Variants in MPRIP observed in about 807,000 individuals in gnomAD.
MPRIP encodes myosin phosphatase Rho-interacting protein.
In MPRIP, 59 loss-of-function variants were observed where a neutral mutation model predicts 234.9. That is an observed-to-expected ratio of 0.25 (90% CI 0.20 to 0.31). MPRIP has a LOEUF of 0.31. Ranked by LOEUF, MPRIP falls within the 10% of genes least tolerant of loss-of-function variation. The pLI, the probability that MPRIP is intolerant of heterozygous loss-of-function variation, is 1.00. For synonymous variants in MPRIP, 1,144 were observed against 1,263.9 expected (o/e 0.91, Z 2.01); for missense variants, 2,436 against 3,071.0 (o/e 0.79, Z 4.89).
At chr17:17,129,950 C>G (rs118103966) in intron 4 of MPRIP, among the ~76,000 whole-genome samples, 46 of 152,356 alleles carry the variant, frequency 3.0e-4, no homozygotes, top group Admixed American at 1.6e-3. Flanking sequence ...GCGAGGCCCT[C>G]TCCTGGGACC....
At chr17:17,059,908 TTTCC>T (rs1285446509) in intron 1 of MPRIP, among the ~76,000 whole-genome samples, 2 of 152,112 alleles carry the variant, frequency 1.3e-5, no homozygotes, top group Admixed American at 1.3e-4. Flanking sequence ...CAGAATCCCT[TTTCC>T]TTCCCCAAGT....
intron 1 of MPRIP, among the ~76,000 whole-genome samples, chr17:17,050,109 C>T (rs1385909112): frequency 1.3e-5 from 2 of 152,084 alleles, no homozygotes; most frequent in Non-Finnish European, 2.9e-5. Context: ...GGGTGGATCA[C>T]GAGGTCAGGA....
intron 21 of MPRIP, 112 bp downstream of exon 21, chr17:17,176,624 C>A: frequency 1.2e-6 from 1 of 827,298 alleles, no homozygotes; most frequent in Non-Finnish European, 2.0e-6. Flanking sequence ...AGATTTTACT[C>A]TTGTGAGGAA....
intron 11 of MPRIP, among the ~76,000 whole-genome samples, chr17:17,147,674 TTTGGGC>T (rs2045508484): frequency 6.6e-6 from 1 of 152,146 alleles, no homozygotes; most frequent in South Asian, 2.1e-4. Context: ...GTGCAGTGGG[TTTGGGC>T]AGCTTTTCTT....
At chr17:17,140,391 C>A (rs756934307) in intron 7 of MPRIP, among the ~76,000 whole-genome samples, 1 of 152,112 alleles carries the variant, frequency 6.6e-6, no homozygotes, top group Non-Finnish European at 1.5e-5. Context: ...CTGGCCCCAC[C>A]CCCCACCAGT....
At chr17:17,111,150 AAAAAAACCAAAAAAAAAAG>A (rs1325027721) in intron 3 of MPRIP, among the ~76,000 whole-genome samples, 31 of 144,928 alleles carry the variant, frequency 2.1e-4, no homozygotes, top group African/African-American at 7.6e-4. Context: ...AAGTTTAAAA[AAAAAAACCAAAAAAAAAAG>A]AAAAAACCTC....
chr17:17,156,612 A>G (rs1328853320), intron 13 of MPRIP, among the ~76,000 whole-genome samples: 1 of 152,184 alleles, frequency 6.6e-6, no homozygotes, highest in Non-Finnish European at 1.5e-5. Context: ...CGCCTTTGGC[A>G]CTAGAGGAGC....
chr17:17,168,509 C>G, intron 16 of MPRIP: 1 of 312,518 alleles, frequency 3.2e-6, no homozygotes, highest in South Asian at 2.7e-5. Flanking sequence ...GTCCCCTTCC[C>G]CAGGACCTTT....
intron 15 of MPRIP, 36 bp downstream of exon 15, chr17:17,161,392 T>C (rs1555589417): frequency 1.4e-6 from 2 of 1,426,562 alleles, no homozygotes; most frequent in South Asian, 1.2e-5. Context: ...CATGGTGCGC[T>C]CAGGAGCTTC....
Position 17,166,012 on chromosome 17 carries a change from A to G in MPRIP, c.4421A>G (p.Gln1474Arg), listed in dbSNP as rs1163575045. Residue 1474 changes from glutamine to arginine, a missense_variant, in exon 16 of 24, where the codon CAG becomes CGG. Coordinates refer to ENST00000651222, the MANE Select transcript of MPRIP (RefSeq NM_001364716.4). This position sits in a 1 kb window ranked among gnomAD's most constrained non-coding sequence, Gnocchi z 4.4. The stretch of plus-strand genomic sequence containing the variant: ...GGGGACTTCCAGGTCAAGAATAGTC[A>G]GGCCCTGATGTGCCTGGAAAATTGC... Reference protein sequence around the residue: ...ELGDFQVKNSQALMCLENCRE... With the variant: ...ELGDFQVKNSRALMCLENCRE... 1 of 1,304,286 alleles carries G rather than the reference A, an allele frequency of 7.7e-7. No homozygotes were observed. The allele number at this position is 1,304,286 out of a possible 1,614,324, so 80.8% of individuals were successfully genotyped here.
chr17:17,057,635 G>T, intron 1 of MPRIP: 1 of 718,050 alleles, frequency 1.4e-6, no homozygotes, highest in Non-Finnish European at 2.6e-6. Flanking sequence ...TTCTTTGGCA[G>T]CAAAACACCC....
chr17:17,192,426 T>TGGGGG lies in MPRIP; in HGVS notation c.*7532_*7533insGGGGG, dbSNP rs1157972241. The TGGGGG allele has an allele frequency of 6.8e-4, 2 of 2,962 alleles. No individual in the cohort carries two copies. The highest frequency in any genetic ancestry group is 0.015 in the East Asian group (1 of 68). 0.2% of individuals were successfully genotyped at this position (2,962 alleles called of 1,614,324 possible). A position where few individuals can be genotyped will look rare whatever the true frequency, so the allele number is the denominator to read the frequency against. ...GACCAGCTGAGCTGCTGCTTTTTTTTTGGGGGGGGGGGGGGGAGGGGCGTC... is the reference window on the plus strand; with the variant it reads ...GACCAGCTGAGCTGCTGCTTTTTTTTGGGGGTGGGGGGGGGGGGGGGAGGGGCGTC... On this transcript the variant is annotated 3_prime_UTR_variant, in exon 24 of 24. Coordinates refer to ENST00000651222, the MANE Select transcript of MPRIP (RefSeq NM_001364716.4).
In MPRIP at chr17:17,190,470, T is replaced by C. The variant is rs1351987800; in HGVS notation, c.*5576T>C. On this transcript the variant is annotated 3_prime_UTR_variant, in exon 24 of 24. Coordinates refer to ENST00000651222, the MANE Select transcript of MPRIP (RefSeq NM_001364716.4). ...TTAAGAACCAGCCTGAGCTGAAGGC[T>C]AGTAATACCGTGCTGTAGGCTCTTT... 1 of 152,256 alleles carries C rather than the reference T, an allele frequency of 6.6e-6. No individual in the cohort carries two copies. The highest frequency in any genetic ancestry group is 2.4e-5 in the African/African-American group (1 of 41,458). 9.4% of individuals were successfully genotyped at this position (152,256 alleles called of 1,614,324 possible).
At chr17:17,110,129 T>G (rs8067672) in intron 3 of MPRIP, among the ~76,000 whole-genome samples, 6,776 of 152,010 alleles carry the variant, frequency 0.045, 470 homozygotes, top group African/African-American at 0.14. Context: ...CTGGAGACCT[T>G]GTTGTTAAAA....
Position 17,136,278 on chromosome 17 carries a change from CA to C in MPRIP, c.565del (p.Ser189AlafsTer20), listed in dbSNP as rs772377529. On this transcript the variant is annotated frameshift_variant, in exon 6 of 24. Transcript: ENST00000651222. LOFTEE classifies it high-confidence loss of function. ...SSSSSSSSSSSIPSAEKVPTT... is the reference protein window; with the variant it reads ...SSSSSSSSSSXIPSAEKVPTT... ...GCAGCAGCAGCAGCAGCAGCAGCAG[CA>C]GCATCCCCAGTGCTGAGAAAGTCCC... The C allele has an allele frequency of 1.9e-6, 3 of 1,613,680 alleles. No homozygotes were observed. The highest frequency in any genetic ancestry group is 2.5e-6 in the Non-Finnish European group (3 of 1,179,752).
intron 13 of MPRIP, among the ~76,000 whole-genome samples, chr17:17,157,525 T>C (rs1180434309): frequency 6.6e-6 from 1 of 152,222 alleles, no homozygotes; most frequent in Non-Finnish European, 1.5e-5. Flanking sequence ...TGCCAGCAGC[T>C]GGATTGGGCT....
At chr17:17,176,372 T>C (rs568439596) in intron 20 of MPRIP, 54 bp from the exon 21 acceptor site, 4 of 1,378,240 alleles carry the variant, frequency 2.9e-6, no homozygotes, top group Middle Eastern at 1.8e-4. Flanking sequence ...CTGTGGAGAC[T>C]CTGGAGGTTT....
intron 3 of MPRIP, among the ~76,000 whole-genome samples, chr17:17,103,220 G>A (rs1251376007): frequency 1.3e-5 from 2 of 152,320 alleles, no homozygotes; most frequent in East Asian, 3.9e-4. Flanking sequence ...AGGAGGTTAT[G>A]TCAGATGCGC....
chr17:17,097,613 G>C (rs1031022995), intron 3 of MPRIP, among the ~76,000 whole-genome samples: 1 of 151,984 alleles, frequency 6.6e-6, no homozygotes, highest in East Asian at 1.9e-4. Context: ...CTGTACTTTC[G>C]GACATCCAAG....
Sources: gnomAD v4.1 joint callset for allele counts (sites outside exome capture counted in the v4.1 genomes callset) on GRCh38, gnomAD v4.1.1 for gene constraint, Gnocchi (gnomAD v3.1) non-coding constraint, MANE v1.5 for transcripts, NCBI Gene and HGNC (gene_info 2026-07-23, HGNC 2026-07-21) for gene names.